Variants in IFT46 observed in about 807,000 individuals in gnomAD.
IFT46 encodes intraflagellar transport protein 46 homolog.
A neutral mutation model predicts 39.6 loss-of-function variants in IFT46; 19 were observed. The observed-to-expected ratio is 0.48, with a 90% CI of 0.33 to 0.70. IFT46 has a LOEUF of 0.70. IFT46 is among the 30% of genes least tolerant of loss of function. The pLI is 0.01. For missense variants in IFT46, 334 were observed against 364.8 expected (o/e 0.92, Z 0.69); for synonymous variants, 117 against 134.8 (o/e 0.87, Z 0.91).
chr11:118,554,895 C>T (rs1555069157), intron 6 of IFT46, 95 bp downstream of exon 6: 20 of 923,612 alleles, frequency 2.2e-5, no homozygotes, highest in Non-Finnish European at 8.7e-6. Flanking sequence ...CATGACTAGC[C>T]AATGCTAGTC....
intron 1 of IFT46, among the ~76,000 whole-genome samples, chr11:118,572,020 G>C (rs1394163257): frequency 6.6e-6 from 1 of 151,566 alleles, no homozygotes; most frequent in African/African-American, 2.4e-5. Flanking sequence ...AACCTGGGAA[G>C]TGGAGGTTGC....
chr11:118,558,154 T>A (rs1007401802), intron 3 of IFT46, among the ~76,000 whole-genome samples: 1 of 152,246 alleles, frequency 6.6e-6, no homozygotes, highest in Admixed American at 6.5e-5. Flanking sequence ...GCATGGCAGA[T>A]AATGAAACAC....
chr11:118,569,967 C>T (rs568591444), upstream of IFT46, among the ~76,000 whole-genome samples: 43 of 151,834 alleles, frequency 2.8e-4, 1 homozygote, highest in Middle Eastern at 0.014. Context: ...CTGCAACCTC[C>T]GCCTCCCAGG....
At chr11:118,565,629 T>A (rs1282407622) in intron 1 of IFT46, 161 bp downstream of exon 1, 1 of 152,614 alleles carries the variant, frequency 6.6e-6, no homozygotes, top group African/African-American at 2.4e-5. Flanking sequence ...CCCACCTAAG[T>A]TTCTTGGGGG....
rs1555066952 is a variant in IFT46 at position 118,545,800 on chromosome 11, C to A, written c.726G>T (p.Met242Ile). 1.2e-6 allele frequency: 2 copies of A among 1,614,168 alleles called. No homozygotes were observed. Among genetic ancestry groups the A allele is most frequent in the South Asian group, 1.1e-5 (1 of 91,080 alleles). ...IDCSLAEYID[M>I]ICAILDIPVY... ...AAGGAAAGAGGAACTCACCACAGAT[C>A]ATGTCAATGTACTCTGCCAGGCTGC... Residue 242 changes from methionine to isoleucine, a missense_variant, in exon 10 of 12, where the codon ATG becomes ATT. Coordinates refer to ENST00000264021, the MANE Select transcript of IFT46 (RefSeq NM_001168618.2).
At chr11:118,566,674 C>T (rs1388534622), upstream of IFT46, among the ~76,000 whole-genome samples, 1 of 152,230 alleles carries the variant, frequency 6.6e-6, no homozygotes, top group East Asian at 1.9e-4. Flanking sequence ...GCCTGGGCAA[C>T]AAAGCGAGAC....
At chr11:118,556,307 C>T (rs940566181) in intron 4 of IFT46, among the ~76,000 whole-genome samples, 10 of 152,080 alleles carry the variant, frequency 6.6e-5, no homozygotes, top group South Asian at 2.1e-4. Flanking sequence ...CTGGCTAACA[C>T]GGTGAAACCT....
chr11:118,569,839 G>C (rs1591375486), upstream of IFT46, among the ~76,000 whole-genome samples: 1 of 152,284 alleles, frequency 6.6e-6, no homozygotes, highest in South Asian at 2.1e-4. Context: ...ACACACAGGA[G>C]ATACAGAGGC....
chr11:118,557,661 C>T, intron 3 of IFT46: 1 of 1,534,472 alleles, frequency 6.5e-7, no homozygotes, highest in Admixed American at 1.7e-5. Context: ...CCTTCCCTTA[C>T]CCCATAAATT....
chr11:118,567,362 G>A (rs1938250171), upstream of IFT46, among the ~76,000 whole-genome samples: 1 of 152,094 alleles, frequency 6.6e-6, no homozygotes, highest in African/African-American at 2.4e-5. Flanking sequence ...GGATCACAAG[G>A]TCAGGAGTTC....
chr11:118,545,553 C>T (rs76068633), intron 10 of IFT46, 59 bp from the exon 11 acceptor site: 21,987 of 1,419,660 alleles, frequency 0.015, 208 homozygotes, highest in Non-Finnish European at 0.019. Context: ...ATTAGAGGCC[C>T]TTCTGTCTAG....
In IFT46 at chr11:118,557,056, G is replaced by A. The variant is rs782704786; in HGVS notation, c.46-11C>T. The A allele has an allele frequency of 3.2e-6, 5 of 1,583,404 alleles. No homozygotes were observed. The African/African-American group carries it at 5.4e-5, about 17-fold the overall frequency. On this transcript the variant is annotated splice_polypyrimidine_tract_variant and intron_variant, in intron 3 of 11. Coordinates refer to ENST00000264021, the MANE Select transcript of IFT46 (RefSeq NM_001168618.2). Reference sequence around the variant, plus strand: ...GGTCTTCTTCTTCTCCTGTGATAGGGCAGGGCAGGCATAGAAAGCTTCAAG... The same window carrying A: ...GGTCTTCTTCTTCTCCTGTGATAGGACAGGGCAGGCATAGAAAGCTTCAAG...
In IFT46 at chr11:118,561,674, C is replaced by T. The variant is rs782764304; in HGVS notation, c.-35-1810G>A. 19 of 313,014 alleles carry T rather than the reference C, an allele frequency of 6.1e-5. No homozygotes were observed. The Middle Eastern group carries it at 3.7e-3, about 61-fold the overall frequency. 19.4% of individuals were successfully genotyped at this position (313,014 alleles called of 1,614,324 possible). Reference sequence around the variant, plus strand: ...TTAACCTCTTTGAGTCTCAGTATTCCCACCTCTAAATGGGGTCACTAATAT... The same window carrying T: ...TTAACCTCTTTGAGTCTCAGTATTCTCACCTCTAAATGGGGTCACTAATAT... On this transcript the variant is annotated intron_variant, in intron 2 of 11. Transcript: ENST00000264021.
intron 4 of IFT46, 70 bp downstream of exon 4, chr11:118,556,836 G>A (rs975908921): frequency 8.3e-6 from 12 of 1,440,044 alleles, no homozygotes; most frequent in African/African-American, 5.7e-5. Flanking sequence ...TCTAACTGAC[G>A]TCCTCCCACT....
chr11:118,555,218 T>G, intron 5 of IFT46, 30 bp downstream of exon 5: 1 of 1,584,838 alleles, frequency 6.3e-7, no homozygotes, highest in Non-Finnish European at 8.7e-7. Context: ...GTAGGGATAG[T>G]GGGGTATGGT....
chr11:118,564,585 G>A (rs1938165320), intron 2 of IFT46, among the ~76,000 whole-genome samples: 1 of 152,098 alleles, frequency 6.6e-6, no homozygotes, highest in African/African-American at 2.4e-5. Context: ...TAAATAAATA[G>A]TGTTCAGTCC....
intron 6 of IFT46, 46 bp downstream of exon 6, chr11:118,554,944 C>G (rs782089193): frequency 3.8e-6 from 5 of 1,329,620 alleles, no homozygotes; most frequent in Non-Finnish European, 5.4e-6. Context: ...ACAGGGGCAT[C>G]AGAAGAAACA....
intron 11 of IFT46, 117 bp downstream of exon 11, chr11:118,545,292 G>A (rs782718690): frequency 8.9e-5 from 74 of 828,132 alleles, no homozygotes; most frequent in Admixed American, 1.3e-4. Context: ...AAAGGGCGAA[G>A]GTAACTGGGC....
At chr11:118,575,781 G>C (rs1390623284), upstream of IFT46, among the ~76,000 whole-genome samples, 2 of 152,164 alleles carry the variant, frequency 1.3e-5, no homozygotes, top group Non-Finnish European at 2.9e-5. Context: ...TTTTGAGAGA[G>C]AGTTGTGCAT....
Sources: allele counts gnomAD v4.1 joint callset (sites outside exome capture counted in the v4.1 genomes callset), GRCh38; gene constraint gnomAD v4.1.1; transcripts MANE v1.5; gene names NCBI Gene and HGNC (gene_info 2026-07-23, HGNC 2026-07-21).